The following TRHDE variants were observed in gnomAD, a reference collection of about 807,000 sequenced individuals.
TRHDE encodes thyrotropin-releasing hormone-degrading ectoenzyme.
Under a neutral mutation model 125.7 loss-of-function variants are expected in TRHDE, and 72 were observed. The ratio of observed to expected loss-of-function variants is 0.57; its 90% CI spans 0.47 to 0.70. The LOEUF is 0.70. Ranked by LOEUF, TRHDE falls within the 30% of genes least tolerant of loss-of-function variation. The pLI is 0.00. For missense variants in TRHDE, 1,110 were observed against 1,327.1 expected, an observed-to-expected ratio of 0.84 and a Z score of 2.54; for synonymous variants, 509 against 509.1, an observed-to-expected ratio of 1.00 and a Z score of 0.00.
At chr12:72,285,265 G>A (rs1309269724) in intron 1 of TRHDE, among the ~76,000 whole-genome samples, 4 of 152,080 alleles carry the variant, frequency 2.6e-5, no homozygotes, top group Admixed American at 6.6e-5. Flanking sequence ...GGCCAAGTTC[G>A]GGTTTGGTGG....
chr12:72,600,355 A>T (rs988329896), intron 12 of TRHDE, among the ~76,000 whole-genome samples: 1 of 152,122 alleles, frequency 6.6e-6, no homozygotes, highest in Admixed American at 6.5e-5. Flanking sequence ...CAACATGGCC[A>T]TTTTAATGAT....
intron 6 of TRHDE, among the ~76,000 whole-genome samples, chr12:72,529,866 AATATT>A (rs1341310007): frequency 6.6e-6 from 1 of 152,130 alleles, no homozygotes; most frequent in African/African-American, 2.4e-5. Context: ...ATTTCACTAA[AATATT>A]AGAAGCAATA....
intron 2 of TRHDE, among the ~76,000 whole-genome samples, chr12:72,243,210 T>C (rs1878516003): frequency 6.6e-6 from 1 of 152,244 alleles, no homozygotes; most frequent in South Asian, 2.1e-4. Context: ...CTACTGGCTT[T>C]CCCCTTTAAG....
intron 3 of TRHDE, among the ~76,000 whole-genome samples, chr12:72,387,019 C>T (rs1016038800): frequency 1.3e-5 from 2 of 152,166 alleles, no homozygotes; most frequent in Non-Finnish European, 2.9e-5. Flanking sequence ...TGGTAGTGGC[C>T]TCCCTTGGTT....
intron 14 of TRHDE, 139 bp from the exon 15 acceptor site, chr12:72,621,505 C>T: frequency 1.5e-6 from 1 of 655,406 alleles, no homozygotes; most frequent in Admixed American, 3.1e-5. Context: ...TTCCACTCTG[C>T]CTAAGTGACT....
At chr12:72,531,609 C>A (rs1046823717) in intron 6 of TRHDE, among the ~76,000 whole-genome samples, 9 of 151,708 alleles carry the variant, frequency 5.9e-5, no homozygotes, top group Non-Finnish European at 8.8e-5. Flanking sequence ...ATATTGAGTT[C>A]TGTAATCATC....
intron 2 of TRHDE, among the ~76,000 whole-genome samples, chr12:72,142,416 G>A (rs115127270): frequency 0.014 from 2,132 of 152,234 alleles, 48 homozygotes; most frequent in African/African-American, 0.048. Context: ...TTCTAAGGAG[G>A]CAAGGGCTGA....
At chr12:72,624,333 G>C (rs1300517067) in intron 15 of TRHDE, among the ~76,000 whole-genome samples, 1 of 151,766 alleles carries the variant, frequency 6.6e-6, no homozygotes, top group African/African-American at 2.4e-5. Flanking sequence ...GCCTTAAATA[G>C]AGTGATTTAC....
chr12:72,109,355 T>C (rs1461061150), intron 2 of TRHDE, among the ~76,000 whole-genome samples: 1 of 152,108 alleles, frequency 6.6e-6, no homozygotes, highest in Admixed American at 6.6e-5. Flanking sequence ...TGATTTCTCC[T>C]GAGGTTTCTA....
At chr12:72,597,713 G>A (rs11179273) in intron 12 of TRHDE, among the ~76,000 whole-genome samples, 57 of 18,428 alleles carry the variant, frequency 3.1e-3, no homozygotes, top group African/African-American at 3.9e-3. Context: ...GTGTGTGTAT[G>A]TATATATATA....
chr12:72,312,669 T>C lies in TRHDE; in HGVS notation c.1188+25715T>C, dbSNP rs190045143. On this transcript the variant is annotated intron_variant, in intron 2 of 18. Coordinates refer to ENST00000261180, the MANE Select transcript of TRHDE (RefSeq NM_013381.3). ...GAGGTCACGAATTTACCAGATTTCA[T>C]TGGGCTATATTATTCTCTCAAACCT... 2.6e-5 allele frequency among the ~76,000 whole-genome samples: 4 copies of C among 152,316 alleles called. No individual in the cohort carries two copies. In the South Asian group the frequency reaches 8.3e-4, roughly 32 times the overall value.
At chr12:72,549,493 CT>C (rs2135995692) in intron 7 of TRHDE, among the ~76,000 whole-genome samples, 1 of 151,884 alleles carries the variant, frequency 6.6e-6, no homozygotes, top group South Asian at 2.1e-4. Context: ...GAAGCTTTTG[CT>C]CAAATGTCTC....
chr12:72,350,506 T>C (rs985608529), intron 2 of TRHDE, among the ~76,000 whole-genome samples: 1 of 152,072 alleles, frequency 6.6e-6, no homozygotes, highest in Non-Finnish European at 1.5e-5. Context: ...CAAGGACATA[T>C]ACTGGTAAGT....
Position 72,273,004 on chromosome 12 carries a change from G to T in TRHDE, c.361G>T (p.Ala121Ser), listed in dbSNP as rs1416794100. 1 of 1,543,936 alleles carries T rather than the reference G, an allele frequency of 6.5e-7. No homozygotes were observed. The highest frequency in any genetic ancestry group is 2.4e-5 in the East Asian group (1 of 41,566). Residue 121 changes from alanine (A) to serine (S), a missense_variant, in exon 1 of 19, where the codon GCC (alanine) becomes TCC (serine). Coordinates refer to ENST00000261180, the MANE Select transcript of TRHDE (RefSeq NM_013381.3). This position sits in a 1 kb window ranked among gnomAD's most constrained non-coding sequence, Gnocchi z 5.3. The part of the protein sequence containing the change: ...DECGASATPG[A>S]DGGPSGFPER... ...GTGCGGGGCGAGTGCCACGCCAGGC[G>T]CCGACGGTGGCCCCTCAGGCTTTCC...
intron 15 of TRHDE, among the ~76,000 whole-genome samples, chr12:72,640,157 C>T (rs1873983898): frequency 6.6e-6 from 1 of 152,250 alleles, no homozygotes; most frequent in Non-Finnish European, 1.5e-5. Flanking sequence ...ATCAGCGAGA[C>T]TCCGTGGGCG....
At chr12:72,098,890 G>A (rs1874999903) in intron 1 of TRHDE, among the ~76,000 whole-genome samples, 1 of 152,172 alleles carries the variant, frequency 6.6e-6, no homozygotes, top group African/African-American at 2.4e-5. Flanking sequence ...CACTGTCTGG[G>A]CTTCGTGGCT....
At chr12:72,290,825 A>G (rs1880060223) in intron 2 of TRHDE, among the ~76,000 whole-genome samples, 1 of 152,224 alleles carries the variant, frequency 6.6e-6, no homozygotes, top group Non-Finnish European at 1.5e-5. Context: ...GTGTCCTGAA[A>G]GAACTAGGTG....
At chr12:72,149,093 TG>T (rs1214501185) in intron 2 of TRHDE, among the ~76,000 whole-genome samples, 1 of 152,130 alleles carries the variant, frequency 6.6e-6, no homozygotes, top group East Asian at 1.9e-4. Flanking sequence ...AATTCTAACA[TG>T]ATTTTTTTTT....
chr12:72,492,986 T>G (rs923770528), intron 5 of TRHDE, among the ~76,000 whole-genome samples: 1 of 151,930 alleles, frequency 6.6e-6, no homozygotes, highest in African/African-American at 2.4e-5. Context: ...TATGTGTATC[T>G]GTCTTTCATA....
Sources: allele counts gnomAD v4.1 joint callset (sites outside exome capture counted in the v4.1 genomes callset), GRCh38; gene constraint gnomAD v4.1.1; non-coding constraint Gnocchi (gnomAD v3.1); transcripts MANE v1.5; gene names NCBI Gene and HGNC (gene_info 2026-07-23, HGNC 2026-07-21).